VAV3: variants seen among roughly 807,000 people sequenced by gnomAD.
VAV3 encodes guanine nucleotide exchange factor VAV3.
In VAV3, 94 loss-of-function variants were observed where a neutral mutation model predicts 131.2. The observed-to-expected ratio is 0.72, with a 90% CI of 0.61 to 0.85. The LOEUF (loss-of-function observed/expected upper bound fraction) is 0.85, where lower values mean the gene tolerates loss of function less well. Ranked by LOEUF, VAV3 falls within the 40% of genes least tolerant of loss-of-function variation. VAV3 has a pLI of 0.00. For missense variants in VAV3, 939 were observed against 1,002.7 expected (o/e 0.94, Z 0.86); for synonymous variants, 349 against 342.0 (o/e 1.02, Z -0.22).
intron 2 of VAV3, among the ~76,000 whole-genome samples, chr1:107,779,825 G>A (rs1365408082): frequency 6.6e-6 from 1 of 152,094 alleles, no homozygotes; most frequent in African/African-American, 2.4e-5. Flanking sequence ...GAAAGATTCT[G>A]GAAAGCTGTA....
At chr1:107,919,920 A>G (rs1233388129) in intron 1 of VAV3, among the ~76,000 whole-genome samples, 1 of 152,196 alleles carries the variant, frequency 6.6e-6, no homozygotes, top group African/African-American at 2.4e-5. Context: ...AAAAAATGAA[A>G]GAGAAAATTA....
chr1:107,948,090 C>T (rs1430259581), intron 1 of VAV3, among the ~76,000 whole-genome samples: 1 of 152,148 alleles, frequency 6.6e-6, no homozygotes, highest in African/African-American at 2.4e-5. Context: ...TGGATTTACT[C>T]CTTTAAGCAT....
chr1:107,768,316 A>G, intron 7 of VAV3, 125 bp downstream of exon 7: 1 of 672,148 alleles, frequency 1.5e-6, no homozygotes, highest in Non-Finnish European at 2.3e-6. Flanking sequence ...AGCAAAAAAT[A>G]AATAAATAAG....
At chr1:107,633,255 C>A (rs1654642639) in intron 20 of VAV3, among the ~76,000 whole-genome samples, 1 of 152,046 alleles carries the variant, frequency 6.6e-6, no homozygotes, top group Non-Finnish European at 1.5e-5. Context: ...TGAAAAGAAA[C>A]AGAGCTTGGT....
At chr1:107,920,749 A>G (rs1368844245) in intron 1 of VAV3, among the ~76,000 whole-genome samples, 2 of 152,204 alleles carry the variant, frequency 1.3e-5, no homozygotes, top group Non-Finnish European at 2.9e-5. Context: ...TCCTCCCCCT[A>G]CTGAATTTCC....
At chr1:107,702,142 T>A (rs564896554) in intron 17 of VAV3, among the ~76,000 whole-genome samples, 13 of 152,182 alleles carry the variant, frequency 8.5e-5, no homozygotes, top group Non-Finnish European at 1.6e-4. Flanking sequence ...CAGTTCCACA[T>A]GGCTGGGGAG....
intron 2 of VAV3, among the ~76,000 whole-genome samples, chr1:107,840,147 A>G (rs888106384): frequency 1.3e-5 from 2 of 152,222 alleles, no homozygotes; most frequent in African/African-American, 4.8e-5. Context: ...AAAGTTCTCT[A>G]TAGAAACTTG....
At chr1:107,617,769 T>A in intron 20 of VAV3, 137 bp from the exon 21 acceptor site, 1 of 598,140 alleles carries the variant, frequency 1.7e-6, no homozygotes, top group Non-Finnish European at 2.7e-6. Flanking sequence ...AGCATTAACT[T>A]ACTGTGGATC....
intron 1 of VAV3, among the ~76,000 whole-genome samples, chr1:107,954,769 G>GCGGGGGGGGC (rs758398906): frequency 6.0e-5 from 9 of 150,056 alleles, no homozygotes; most frequent in Middle Eastern, 3.4e-3. Context: ...TACCATGGGA[G>GCGGGGGGGGC]GGGGGGAAAT....
intron 2 of VAV3, among the ~76,000 whole-genome samples, chr1:107,825,703 C>T (rs1019876342): frequency 1.3e-5 from 2 of 152,140 alleles, no homozygotes; most frequent in Non-Finnish European, 2.9e-5. Flanking sequence ...AATAAAATAG[C>T]CTCTCACAAA....
intron 17 of VAV3, among the ~76,000 whole-genome samples, chr1:107,698,570 A>C (rs544005237): frequency 6.6e-6 from 1 of 152,364 alleles, no homozygotes; most frequent in Admixed American, 6.5e-5. Context: ...TTAATGGAGG[A>C]GCAGCTGTAC....
intron 1 of VAV3, among the ~76,000 whole-genome samples, chr1:107,884,409 TTA>T (rs1557901054): frequency 0.035 from 41 of 1,186 alleles, no homozygotes; most frequent in African/African-American, 0.052. Flanking sequence ...AAATTATTTA[TTA>T]TTATTATTAT....
Position 107,609,966 on chromosome 1 carries a change from C to G in VAV3, c.1981-1G>C. The G allele has an allele frequency of 1.2e-6, 2 of 1,613,128 alleles. No individual in the cohort carries two copies. Among genetic ancestry groups the G allele is most frequent in the Non-Finnish European group, 1.7e-6 (2 of 1,179,424 alleles). On this transcript the variant is annotated splice_acceptor_variant, in intron 21 of 26. Transcript: ENST00000370056. LOFTEE classifies it high-confidence loss of function. ...AAGAATAATCTACTGGTTTGGGCAC[C>G]TAGGATATAAAAAAGCAAAAACAGA...
intron 19 of VAV3, among the ~76,000 whole-genome samples, chr1:107,652,013 C>T (rs1046974205): frequency 4.6e-5 from 7 of 152,058 alleles, no homozygotes; most frequent in African/African-American, 7.2e-5. Context: ...ACCAGAGCAA[C>T]GCCATCTTGA....
chr1:107,906,890 G>A lies in VAV3; in HGVS notation c.205-31873C>T, dbSNP rs191581411. The stretch of plus-strand genomic sequence containing the variant: ...GGTCCAACCTACTGTTCCCTGGCTT[G>A]GAAAGTTAGAATTAATCTTTAGCAG... On this transcript the variant is annotated intron_variant, in intron 1 of 26. Coordinates refer to ENST00000370056, the MANE Select transcript of VAV3 (RefSeq NM_006113.5). 1.7e-3 allele frequency among the ~76,000 whole-genome samples: 259 copies of A among 152,162 alleles called. 1 individual carries two copies. Among genetic ancestry groups the A allele is most frequent in the African/African-American group, 6.0e-3 (249 of 41,526 alleles).
chr1:107,720,219 A>G (rs1351823086), intron 15 of VAV3, among the ~76,000 whole-genome samples: 1 of 151,790 alleles, frequency 6.6e-6, no homozygotes, highest in Non-Finnish European at 1.5e-5. Flanking sequence ...TAAAAAAATA[A>G]AAATAAATAA....
intron 17 of VAV3, among the ~76,000 whole-genome samples, chr1:107,694,347 TAAC>T (rs1055513270): frequency 6.6e-6 from 1 of 152,140 alleles, no homozygotes; most frequent in African/African-American, 2.4e-5. Context: ...GTGAGAACTC[TAAC>T]AATTGGATCG....
At chr1:107,711,563 AAAG>A (rs1288463537) in intron 15 of VAV3, among the ~76,000 whole-genome samples, 1 of 152,208 alleles carries the variant, frequency 6.6e-6, no homozygotes, top group African/African-American at 2.4e-5. Context: ...AAATCCTTCT[AAAG>A]ATAGCAAATT....
intron 20 of VAV3, among the ~76,000 whole-genome samples, chr1:107,636,697 T>C (rs1427249110): frequency 6.6e-6 from 1 of 152,238 alleles, no homozygotes; most frequent in Non-Finnish European, 1.5e-5. Context: ...GTATAGTTTC[T>C]ACTGCATGTG....
Sources: allele counts gnomAD v4.1 joint callset (sites outside exome capture counted in the v4.1 genomes callset), GRCh38; gene constraint gnomAD v4.1.1; transcripts MANE v1.5; gene names NCBI Gene and HGNC (gene_info 2026-07-23, HGNC 2026-07-21).